Variants in OSBPL3 observed in about 807,000 individuals in gnomAD.
The protein encoded by OSBPL3 is oxysterol-binding protein-related protein 3.
OSBPL3 carries 65 observed loss-of-function variants against 120.1 expected under a neutral mutation model. The ratio of observed to expected loss-of-function variants is 0.54; its 90% CI spans 0.44 to 0.67. The LOEUF (loss-of-function observed/expected upper bound fraction) is 0.67, where lower values mean the gene tolerates loss of function less well. OSBPL3 is among the 30% of genes least tolerant of loss of function. The pLI, the probability that OSBPL3 is intolerant of heterozygous loss-of-function variation, is 0.00. For missense variants in OSBPL3, 1,004 were observed against 1,082.1 expected (o/e 0.93, Z 1.01); for synonymous variants, 416 against 402.6 (o/e 1.03, Z -0.40).
At chr7:24,890,171 A>C (rs945445630) in intron 2 of OSBPL3, among the ~76,000 whole-genome samples, 1 of 152,236 alleles carries the variant, frequency 6.6e-6, no homozygotes, top group African/African-American at 2.4e-5. Flanking sequence ...TGAAAGAAAG[A>C]AAGCAATTTG....
chr7:24,807,045 A>T, intron 20 of OSBPL3, 143 bp from the exon 21 acceptor site: 1 of 689,160 alleles, frequency 1.5e-6, no homozygotes, highest in Non-Finnish European at 2.4e-6. Flanking sequence ...CTGACTAATG[A>T]ACAGGCACTG....
rs1241208386 is a variant in OSBPL3 at position 24,879,778 on chromosome 7, C to T, written c.97-7709G>A. Among the ~76,000 whole-genome samples, 1 of 152,194 alleles carries T rather than the reference C, an allele frequency of 6.6e-6. No homozygotes were observed. The highest frequency in any genetic ancestry group is 1.5e-5 in the Non-Finnish European group (1 of 68,040). On this transcript the variant is annotated intron_variant, in intron 2 of 22. Coordinates refer to ENST00000313367, the MANE Select transcript of OSBPL3 (RefSeq NM_015550.4). The surrounding 1 kb of genome is among the most constrained non-coding windows in gnomAD (Gnocchi z 5.6). ...ACAGACGGATTTATAATTAAAATAG[C>T]ATTAATAAAAACACTTCAATGTACA...
intron 1 of OSBPL3, among the ~76,000 whole-genome samples, chr7:24,979,402 G>A (rs1817952203): frequency 6.6e-6 from 1 of 152,218 alleles, no homozygotes; most frequent in East Asian, 1.9e-4. Context: ...GCAAGCCGGG[G>A]TTGGGAAGGC....
chr7:24,892,290 G>T, intron 2 of OSBPL3, 87 bp downstream of exon 2: 1 of 1,344,580 alleles, frequency 7.4e-7, no homozygotes. Context: ...CTGAGAAGTA[G>T]GCTTTCCCAA....
rs1045324716 is a variant in OSBPL3, at chr7:24,855,143, C to T, written c.1028-2509G>A. On this transcript the variant is annotated intron_variant, in intron 10 of 22. Coordinates refer to ENST00000313367, the MANE Select transcript of OSBPL3 (RefSeq NM_015550.4). The surrounding 1 kb of genome is among the most constrained non-coding windows in gnomAD (Gnocchi z 4.3). Reference sequence around the variant, plus strand: ...AGGAGAGCAGCAAGCCACACAGTTACGGACTGCATCCTATGTCCTATTAGA... The same window carrying T: ...AGGAGAGCAGCAAGCCACACAGTTATGGACTGCATCCTATGTCCTATTAGA... Among the ~76,000 whole-genome samples, 7 of 152,188 alleles carry T rather than the reference C, an allele frequency of 4.6e-5. No individual in the cohort carries two copies. Among genetic ancestry groups the T allele is most frequent in the East Asian group, 3.9e-4 (2 of 5,194 alleles).
intron 1 of OSBPL3, among the ~76,000 whole-genome samples, chr7:24,977,315 A>C (rs1817688071): frequency 6.6e-6 from 1 of 152,240 alleles, no homozygotes; most frequent in Non-Finnish European, 1.5e-5. Context: ...TGAAAACAGT[A>C]CATCTAGACA....
intron 1 of OSBPL3, among the ~76,000 whole-genome samples, chr7:24,928,499 T>C (rs975155734): frequency 4.6e-5 from 7 of 152,164 alleles, no homozygotes; most frequent in Non-Finnish European, 7.3e-5. Context: ...CCACCTCTTG[T>C]CTTTATAAAT....
intron 2 of OSBPL3, among the ~76,000 whole-genome samples, chr7:24,886,640 G>A (rs963872151): frequency 6.6e-6 from 1 of 152,226 alleles, no homozygotes; most frequent in Non-Finnish European, 1.5e-5. Context: ...TAGGTGCTAT[G>A]AGAAATAAAA....
At chr7:24,928,413 G>T (rs186168275) in intron 1 of OSBPL3, among the ~76,000 whole-genome samples, 5 of 151,952 alleles carry the variant, frequency 3.3e-5, no homozygotes, top group Non-Finnish European at 7.4e-5. Context: ...GGATGGTCTC[G>T]ATCTCCTGAC....
chr7:24,840,865 C>A, intron 13 of OSBPL3, 82 bp from the exon 14 acceptor site: 1 of 664,154 alleles, frequency 1.5e-6, no homozygotes, highest in East Asian at 2.9e-5. Context: ...TCTAAATGAT[C>A]AAACATGTTG....
intron 1 of OSBPL3, among the ~76,000 whole-genome samples, chr7:24,970,607 GAGA>G (rs1383800340): frequency 6.7e-6 from 1 of 149,962 alleles, no homozygotes; most frequent in Non-Finnish European, 1.5e-5. Flanking sequence ...CAATTGTAGA[GAGA>G]AGGAGGAGTG....
In OSBPL3 at chr7:24,819,622, C is replaced by T. The variant is rs1440034358; in HGVS notation, c.1948+553G>A. Among the ~76,000 whole-genome samples, 2 of 152,068 alleles carry T rather than the reference C, an allele frequency of 1.3e-5. No homozygotes were observed. The highest frequency in any genetic ancestry group is 1.5e-5 in the Non-Finnish European group (1 of 68,014). ...AAAATATTTTTAAAATGTATATGTG[C>T]TCACTGTCCAAAAACCTAGGATGCT... On this transcript the variant is annotated intron_variant, in intron 17 of 22. Coordinates refer to ENST00000313367, the MANE Select transcript of OSBPL3 (RefSeq NM_015550.4). The surrounding 1 kb of genome is among the most constrained non-coding windows in gnomAD (Gnocchi z 4.1).
rs1170510183 is a variant in OSBPL3, at chr7:24,937,455, A to G, written c.-150+42431T>C. On this transcript the variant is annotated intron_variant, in intron 1 of 22. Transcript: ENST00000313367. This position sits in a 1 kb window ranked among gnomAD's most constrained non-coding sequence, Gnocchi z 4.0. The stretch of plus-strand genomic sequence containing the variant: ...ATGTTCAACATTATTCTTGAGGTTT[A>G]CCCATAAGGATACATATAGTTTTAG... Among the ~76,000 whole-genome samples the G allele has an allele frequency of 2.0e-5, 3 of 152,198 alleles. No individual in the cohort carries two copies. The highest frequency in any genetic ancestry group is 2.0e-4 in the Admixed American group (3 of 15,276).
chr7:24,829,862 A>G (rs1796161836), intron 16 of OSBPL3, among the ~76,000 whole-genome samples: 2 of 152,178 alleles, frequency 1.3e-5, no homozygotes, highest in African/African-American at 2.4e-5. Flanking sequence ...ACACTCCACC[A>G]TTATAAACTC....
Position 24,932,258 on chromosome 7 carries a change from T to C in OSBPL3, c.-149-39637A>G, listed in dbSNP as rs147827528. On this transcript the variant is annotated intron_variant, in intron 1 of 22. Coordinates refer to ENST00000313367, the MANE Select transcript of OSBPL3 (RefSeq NM_015550.4). The surrounding 1 kb of genome is among the most constrained non-coding windows in gnomAD (Gnocchi z 5.6). Reference sequence around the variant, plus strand: ...CATCACTGGAATTTGAATGCAGGCATTTCGGACTGAAGATCACCTTTTTAT... The same window carrying C: ...CATCACTGGAATTTGAATGCAGGCACTTCGGACTGAAGATCACCTTTTTAT... Among the ~76,000 whole-genome samples the C allele has an allele frequency of 0.013, 1,923 of 152,308 alleles. 24 individuals are homozygous for C. The highest frequency in any genetic ancestry group is 0.021 in the Non-Finnish European group (1,414 of 68,028).
intron 1 of OSBPL3, among the ~76,000 whole-genome samples, chr7:24,910,504 A>G (rs1357574880): frequency 6.6e-6 from 1 of 152,254 alleles, no homozygotes; most frequent in African/African-American, 2.4e-5. Context: ...GGCAAAAAGA[A>G]GACAGGCACA....
At chr7:24,886,955 AT>A (rs1584506724) in intron 2 of OSBPL3, among the ~76,000 whole-genome samples, 6 of 152,348 alleles carry the variant, frequency 3.9e-5, no homozygotes, top group Admixed American at 6.5e-5. Context: ...ATTTTCAGGC[AT>A]TTTATTTGAC....
rs886916635 is a variant in OSBPL3 at position 24,952,366 on chromosome 7, T to C, written c.-150+27520A>G. Reference sequence around the variant, plus strand: ...GGCTCAAGTTTTGCCCAATGTCATGTAATCACTAATCATATACCGGTTATC... The same window carrying C: ...GGCTCAAGTTTTGCCCAATGTCATGCAATCACTAATCATATACCGGTTATC... On this transcript the variant is annotated intron_variant, in intron 1 of 22. Transcript: ENST00000313367. The surrounding 1 kb of genome is among the most constrained non-coding windows in gnomAD (Gnocchi z 4.4). 6.6e-6 allele frequency among the ~76,000 whole-genome samples: 1 copy of C among 152,234 alleles called. No individual in the cohort carries two copies. The highest frequency in any genetic ancestry group is 1.5e-5 in the Non-Finnish European group (1 of 68,036).
At chr7:24,832,491 CAG>C (rs906235423) in intron 15 of OSBPL3, among the ~76,000 whole-genome samples, 13 of 124,768 alleles carry the variant, frequency 1.0e-4, no homozygotes, top group Non-Finnish European at 1.7e-4. Context: ...GCCTGGGCGA[CAG>C]AGAGAGACTC....
Sources: allele counts gnomAD v4.1 joint callset (sites outside exome capture counted in the v4.1 genomes callset), GRCh38; gene constraint gnomAD v4.1.1; non-coding constraint Gnocchi (gnomAD v3.1); transcripts MANE v1.5; gene names NCBI Gene and HGNC (gene_info 2026-07-23, HGNC 2026-07-21).